ZNF44: variants seen among roughly 807,000 people sequenced by gnomAD.
The protein encoded by ZNF44 is zinc finger protein 44.
In ZNF44, 9 loss-of-function variants were observed where a neutral mutation model predicts 11.7. The observed-to-expected ratio is 0.77, with a 90% CI of 0.46 to 1.35. The LOEUF is 1.35. Among genes scored for constraint, ZNF44 ranks in the 40% most tolerant of loss-of-function variants. The probability of loss-of-function intolerance (pLI) is 0.00; values close to 1 mark genes in which losing one functional copy is unlikely to be tolerated. For synonymous variants in ZNF44, 224 were observed against 242.7 expected (o/e 0.92, Z 0.72); for missense variants, 696 against 743.1 (o/e 0.94, Z 0.74).
Position 12,287,279 on chromosome 19 carries a change from T to C in ZNF44, c.3+7413A>G, listed in dbSNP as rs151229780. Among the ~76,000 whole-genome samples the C allele has an allele frequency of 9.1e-4, 139 of 152,054 alleles. 1 individual carries two copies. The East Asian group carries it at 0.017, about 19-fold the overall frequency. On this transcript the variant is annotated intron_variant, in intron 1 of 3. Coordinates refer to ENST00000355684, the MANE Select transcript of ZNF44 (RefSeq NM_016264.4). The stretch of plus-strand genomic sequence containing the variant: ...TTTTTTCCTTGAGACGGAATCTCGC[T>C]CTGTCACCCACTGCAGCCTCCGCCT...
chr19:12,238,959 C>G (rs1209646924), upstream of ZNF44, among the ~76,000 whole-genome samples: 1 of 152,180 alleles, frequency 6.6e-6, no homozygotes, highest in Non-Finnish European at 1.5e-5. Flanking sequence ...GTTCCTGTCC[C>G]CTCAGTGTGG....
intron 5 of ZNF44, among the ~76,000 whole-genome samples, chr19:12,264,091 G>A (rs904767937): frequency 1.3e-5 from 2 of 152,040 alleles, no homozygotes; most frequent in Non-Finnish European, 2.9e-5. Context: ...TGTATCAAAC[G>A]AAACAACAAC....
chr19:12,250,057 A>AATTCT (rs1325403867), intron 6 of ZNF44: 1 of 1,274,308 alleles, frequency 7.8e-7, no homozygotes, highest in African/African-American at 1.5e-5. Context: ...CAGACCCAGA[A>AATTCT]AAAATTATCA....
intron 1 of ZNF44, among the ~76,000 whole-genome samples, chr19:12,279,022 G>A (rs1480309893): frequency 6.6e-6 from 1 of 152,154 alleles, no homozygotes; most frequent in Non-Finnish European, 1.5e-5. Context: ...ACTGGAAGAG[G>A]TCAGGTTTTT....
chr19:12,263,417 A>G (rs766430221), intron 5 of ZNF44, among the ~76,000 whole-genome samples: 2 of 151,978 alleles, frequency 1.3e-5, no homozygotes, highest in Non-Finnish European at 2.9e-5. Context: ...CCAGGAGACA[A>G]AAGTCCTAAC....
intron 5 of ZNF44, chr19:12,266,150 A>G (rs957807712): frequency 1.5e-6 from 1 of 662,078 alleles, no homozygotes; most frequent in Non-Finnish European, 1.9e-6. Flanking sequence ...CCGAGGGCCG[A>G]GCTGTGCCAT....
At chr19:12,260,587 G>C in intron 5 of ZNF44, 5 of 649,526 alleles carry the variant, frequency 7.7e-6, no homozygotes, top group Middle Eastern at 4.3e-4. Context: ...CTCACCACCA[G>C]CCCCTCATGC....
downstream of ZNF44, among the ~76,000 whole-genome samples, chr19:12,245,482 C>T (rs1599494260): frequency 1.3e-5 from 2 of 152,280 alleles, no homozygotes; most frequent in South Asian, 4.1e-4. Flanking sequence ...ATCTGCCTGA[C>T]CTAAGACATT....
chr19:12,283,790 G>A (rs531231119), intron 1 of ZNF44, among the ~76,000 whole-genome samples: 1 of 152,172 alleles, frequency 6.6e-6, no homozygotes, highest in Non-Finnish European at 1.5e-5. Flanking sequence ...CAAGGCAAGA[G>A]GAACTCTTGA....
chr19:12,277,775 C>T (rs967207273), intron 1 of ZNF44, among the ~76,000 whole-genome samples: 2 of 152,116 alleles, frequency 1.3e-5, no homozygotes, highest in Non-Finnish European at 2.9e-5. Context: ...ATTTTGTTTC[C>T]ACATTATTGC....
At chr19:12,292,859 T>TTC (rs1325388637) in intron 1 of ZNF44, among the ~76,000 whole-genome samples, 20 of 112,984 alleles carry the variant, frequency 1.8e-4, no homozygotes, top group African/African-American at 8.4e-4. Context: ...GGTTAGGTTT[T>TTC]TTTTTTTTTT....
chr19:12,273,606 T>G lies in ZNF44; in HGVS notation c.649A>C (p.Arg217=), dbSNP rs960682334. The G allele has an allele frequency of 6.2e-7, 1 of 1,614,158 alleles. No homozygotes were observed. The highest frequency in any genetic ancestry group is 8.5e-7 in the Non-Finnish European group (1 of 1,180,010). The stretch of plus-strand genomic sequence containing the variant: ...TATGGTTTCTCTCCAGTGTGAGTTC[T>G]TTCATGCATACGTAATAAACTGGGC... ...FWPSLLRMHE[R]THTGEKPYEC... is the part of the protein sequence containing the mutation. Residue 217 remains arginine, a synonymous_variant, in exon 4 of 4, where the codon AGA becomes CGA. Coordinates refer to ENST00000355684, the MANE Select transcript of ZNF44 (RefSeq NM_016264.4).
rs899139318 is a variant in ZNF44, at chr19:12,273,936, C to T, written c.319G>A (p.Val107Met). 1.9e-6 allele frequency: 3 copies of T among 1,614,074 alleles called. No homozygotes were observed. In the African/African-American group the frequency reaches 4.0e-5, roughly 22 times the overall value. Residue 107 changes from valine (V) to methionine (M), a missense_variant, in exon 4 of 4, where the codon GTG becomes ATG. Val to Met is a conservative substitution (Grantham distance 21). Transcript: ENST00000355684. ...PARVDACGSSVNGEVIMGHSS... is the reference protein window; with the variant it reads ...PARVDACGSSMNGEVIMGHSS... The stretch of plus-strand genomic sequence containing the variant: ...TGACCCATTATGACTTCTCCATTCA[C>T]ACTGCTTCCACATGCATCTACTCTG...
chr19:12,273,053 G>T lies in ZNF44; in HGVS notation c.1202C>A (p.Ala401Asp). The T allele has an allele frequency of 6.2e-7, 1 of 1,613,828 alleles. No individual in the cohort carries two copies. The highest frequency in any genetic ancestry group is 8.5e-7 in the Non-Finnish European group (1 of 1,179,922). The change falls in exon 4 of 4, where the codon GCC (alanine) becomes GAC (aspartate). Residue 401 changes from alanine to aspartate, a missense_variant. Physicochemically the swap from Ala to Asp is moderately radical, Grantham distance 126. Coordinates refer to ENST00000355684, the MANE Select transcript of ZNF44 (RefSeq NM_016264.4). Reference protein sequence around the residue: ...GPHKCTVCGKAFDSPSVFQRH... With the variant: ...GPHKCTVCGKDFDSPSVFQRH... Reference sequence around the variant, plus strand: ...TTGAAATACACTAGGAGAATCAAAGGCTTTCCCACATACTGTGCATTTATG... The same window carrying T: ...TTGAAATACACTAGGAGAATCAAAGTCTTTCCCACATACTGTGCATTTATG...
intron 1 of ZNF44, among the ~76,000 whole-genome samples, chr19:12,282,841 C>T (rs1032551032): frequency 3.9e-5 from 6 of 152,152 alleles, no homozygotes; most frequent in Admixed American, 2.6e-4. Flanking sequence ...TATCTACTAA[C>T]ATCAAAAAAG....
rs149312054 is a variant in ZNF44 at position 12,233,922 on chromosome 19, C to T, written n.380+745G>A. On this transcript the variant is annotated intron_variant and non_coding_transcript_variant, in intron 2 of 3. Coordinates refer to the ZNF44 transcript ENST00000597563. ...ACTAAAAATACAAAAATTAGCCGGG[C>T]ATGGTGGCGGGCACCTGTAATCCCA... 2.3e-3 allele frequency among the ~76,000 whole-genome samples: 351 copies of T among 152,174 alleles called. 8 individuals carry two copies. In the East Asian group the frequency reaches 0.049, roughly 21 times the overall value.
chr19:12,254,655 AAC>A (rs1444425221), intron 5 of ZNF44, among the ~76,000 whole-genome samples: 1 of 152,154 alleles, frequency 6.6e-6, no homozygotes, highest in African/African-American at 2.4e-5. Context: ...GAATTGCTTG[AAC>A]CAGGGAAGTG....
At position 12,265,562 on chromosome 19, in the gene ZNF44, G is replaced by A. The variant is rs142689055; in HGVS notation, c.1912+6925C>T. The stretch of plus-strand genomic sequence containing the variant: ...TCGACGTTTTCAAGGTGATAAAGCC[G>A]GGGAGGCTCAGTGCTGATCCGCAAC... On this transcript the variant is annotated intron_variant and NMD_transcript_variant, in intron 5 of 7. Transcript: ENST00000393337. Among the ~76,000 whole-genome samples the A allele has an allele frequency of 1.4e-3, 213 of 152,146 alleles. 2 individuals are homozygous for A. Among genetic ancestry groups the A allele is most frequent in the African/African-American group, 4.9e-3 (205 of 41,510 alleles).
intron 1 of ZNF44, among the ~76,000 whole-genome samples, chr19:12,291,716 G>A (rs539387038): frequency 4.6e-5 from 7 of 151,910 alleles, no homozygotes; most frequent in Non-Finnish European, 7.4e-5. Flanking sequence ...AAAAGGCTGC[G>A]TGCAGTGGCT....
Sources: allele counts gnomAD v4.1 joint callset (sites outside exome capture counted in the v4.1 genomes callset), GRCh38; gene constraint gnomAD v4.1.1; transcripts MANE v1.5; gene names NCBI Gene and HGNC (gene_info 2026-07-23, HGNC 2026-07-21).